TRPM8: variants seen among roughly 807,000 people sequenced by gnomAD.
TRPM8 encodes the protein transient receptor potential cation channel subfamily M member 8.
A neutral mutation model predicts 133.7 loss-of-function variants in TRPM8; 110 were observed. That is an observed-to-expected ratio of 0.82 (90% CI 0.70 to 0.96). The LOEUF is 0.96. TRPM8 is among the 40% of genes least tolerant of loss of function. The probability of loss-of-function intolerance (pLI) is 0.00; values close to 1 mark genes in which losing one functional copy is unlikely to be tolerated. For synonymous variants in TRPM8, 535 were observed against 532.3 expected (o/e 1.01, Z -0.07); for missense variants, 1,291 against 1,379.5 (o/e 0.94, Z 1.02).
chr2:233,998,783 G>A (rs1692474900), intron 22 of TRPM8, among the ~76,000 whole-genome samples: 1 of 152,100 alleles, frequency 6.6e-6, no homozygotes. Context: ...TCCTGTTAAG[G>A]TGAGCAGATT....
chr2:234,011,576 A>G (rs28901886), intron 24 of TRPM8, among the ~76,000 whole-genome samples: 1 of 152,024 alleles, frequency 6.6e-6, no homozygotes, highest in Admixed American at 6.5e-5. Context: ...GGCAATATTC[A>G]TTTTTTCAAT....
chr2:234,002,007 A>C (rs1338863779), intron 22 of TRPM8, among the ~76,000 whole-genome samples: 1 of 152,158 alleles, frequency 6.6e-6, no homozygotes, highest in Admixed American at 6.5e-5. Context: ...CAGAGAATGA[A>C]AATGGAAAAG....
In TRPM8 at chr2:233,966,680, T is replaced by A. The variant is rs995997989; in HGVS notation, c.1950T>A (p.Ala650=). Residue 650 remains alanine (A), a synonymous_variant, in exon 15 of 26, where the codon GCT becomes GCA. Coordinates refer to ENST00000324695, the MANE Select transcript of TRPM8 (RefSeq NM_024080.5). ...AEQLLVYSCE[A]WGGSNCLELA... ...AGCTGCTGGTCTATTCCTGTGAAGC[T>A]TGGGGTGGAAGCAACTGTCTGGAGC... 5.0e-6 allele frequency: 8 copies of A among 1,613,916 alleles called. No individual in the cohort carries two copies. Among genetic ancestry groups the A allele is most frequent in the Non-Finnish European group, 5.9e-6 (7 of 1,179,884 alleles).
intron 17 of TRPM8, among the ~76,000 whole-genome samples, chr2:233,975,918 C>T (rs968630966): frequency 6.6e-6 from 1 of 151,882 alleles, no homozygotes; most frequent in African/African-American, 2.4e-5. Flanking sequence ...AATGAACAAA[C>T]AAACAAAAAA....
At chr2:233,918,868 T>C (rs1401747435) in intron 1 of TRPM8, among the ~76,000 whole-genome samples, 2 of 152,168 alleles carry the variant, frequency 1.3e-5, no homozygotes, top group East Asian at 1.9e-4. Flanking sequence ...TCATTTATAT[T>C]TGAAGCTTCT....
rs200565353 is a variant in TRPM8, at chr2:233,966,603, G to A, written c.1880-7G>A. 53 of 1,613,832 alleles carry A rather than the reference G, an allele frequency of 3.3e-5. No homozygotes were observed. Among genetic ancestry groups the A allele is most frequent in the Middle Eastern group, 1.6e-4 (1 of 6,082 alleles). On this transcript the variant is annotated splice_polypyrimidine_tract_variant and splice_region_variant and intron_variant, in intron 14 of 25. Transcript: ENST00000324695. Reference sequence around the variant, plus strand: ...ACCAGCTTCTCTCTGTGCTGATGTCGCTGTAGAGCTGTTCACTGAGTGTTA... The same window carrying A: ...ACCAGCTTCTCTCTGTGCTGATGTCACTGTAGAGCTGTTCACTGAGTGTTA...
chr2:233,981,735 T>C (rs1374106313), intron 18 of TRPM8, 39 bp from the exon 19 acceptor site: 13 of 1,568,160 alleles, frequency 8.3e-6, no homozygotes, highest in Non-Finnish European at 1.1e-5. Flanking sequence ...GAATGTTTTG[T>C]CAATATCTCA....
chr2:233,940,682 C>T (rs1442589012), intron 5 of TRPM8, among the ~76,000 whole-genome samples: 1 of 151,824 alleles, frequency 6.6e-6, no homozygotes. Flanking sequence ...ACGTTAATGG[C>T]TGAAGTAGAT....
At position 233,960,863 on chromosome 2, in the gene TRPM8, C is replaced by A. The variant is rs1691416946; in HGVS notation, c.1450C>A (p.Leu484Ile). ...VRLFLENGLN[L>I]RKFLTHDVLT... ...CCTCTTTCTGGAGAATGGCTTGAAC[C>A]TACGGAAGTTTCTCACCCATGATGT... is the stretch of plus-strand genomic sequence containing the variant. The change falls in exon 12 of 26, where the codon CTA becomes ATA. Residue 484 changes from leucine to isoleucine, a missense_variant. Around this residue, in one of 2 missense-constraint regions of TRPM8, gnomAD observed 963 missense variants for 968.9 expected, o/e 0.99. Coordinates refer to ENST00000324695, the MANE Select transcript of TRPM8 (RefSeq NM_024080.5). 6.2e-7 allele frequency: 1 copy of A among 1,614,182 alleles called. No homozygotes were observed. Among genetic ancestry groups the A allele is most frequent in the Admixed American group, 1.7e-5 (1 of 60,026 alleles).
chr2:233,994,134 T>C (rs1692347118), intron 21 of TRPM8, among the ~76,000 whole-genome samples: 1 of 152,222 alleles, frequency 6.6e-6, no homozygotes, highest in Admixed American at 6.5e-5. Context: ...CTGGCCCAAG[T>C]AGTAAACTGA....
chr2:233,970,444 G>T lies in TRPM8; in HGVS notation c.2355+18G>T, dbSNP rs1691686067. 2 of 1,610,372 alleles carry T rather than the reference G, an allele frequency of 1.2e-6. No homozygotes were observed. The highest frequency in any genetic ancestry group is 1.1e-5 in the South Asian group (1 of 90,992). ...TGAGACAGGTAGGGCTGCCATGACA[G>T]CAGGAACCCCCTCGCTTCCTCGGTG... On this transcript the variant is annotated intron_variant, in intron 17 of 25. Coordinates refer to ENST00000324695, the MANE Select transcript of TRPM8 (RefSeq NM_024080.5).
chr2:233,989,893 AGCAT>A lies in TRPM8; in HGVS notation c.2939+4029_2939+4032del, dbSNP rs1218215946. On this transcript the variant is annotated intron_variant, in intron 21 of 25. Coordinates refer to ENST00000324695, the MANE Select transcript of TRPM8 (RefSeq NM_024080.5). This position sits in a 1 kb window ranked among gnomAD's most constrained non-coding sequence, Gnocchi z 4.2. ...CTTACCAGGAGCTAGGGCATTTATA[AGCAT>A]TGTGCCCTGAAGATAAGTTCACCCC... is the stretch of plus-strand genomic sequence containing the variant. 2.0e-5 allele frequency among the ~76,000 whole-genome samples: 3 copies of A among 152,242 alleles called. No individual in the cohort carries two copies. Among genetic ancestry groups the A allele is most frequent in the African/African-American group, 7.2e-5 (3 of 41,468 alleles).
At chr2:234,011,804 C>G (rs1325139319) in intron 24 of TRPM8, among the ~76,000 whole-genome samples, 1 of 149,824 alleles carries the variant, frequency 6.7e-6, no homozygotes, top group Non-Finnish European at 1.5e-5. Context: ...GTAGTCCCAG[C>G]TACTCTGGAG....
intron 20 of TRPM8, among the ~76,000 whole-genome samples, chr2:233,985,173 G>A (rs1442652095): frequency 3.9e-5 from 6 of 152,022 alleles, no homozygotes; most frequent in South Asian, 4.1e-4. Flanking sequence ...CCCCCACCAC[G>A]GGGCCTTTGC....
Position 233,955,198 on chromosome 2 carries a change from A to G in TRPM8, c.1310A>G (p.Asn437Ser), listed in dbSNP as rs376155890. ...NGQLKLLLEWNQLDLANDEIF... is the reference protein window; with the variant it reads ...NGQLKLLLEWSQLDLANDEIF... ...CAGCTGAAGCTTCTGCTGGAGTGGA[A>G]CCAGCTGGACTTAGCCAATGATGAG... The change falls in exon 11 of 26, where the codon AAC (asparagine) becomes AGC (serine). Residue 437 changes from asparagine to serine, a missense_variant. Asn to Ser is a conservative substitution (Grantham distance 46, BLOSUM62 1). Transcript: ENST00000324695. 50 of 1,613,952 alleles carry G rather than the reference A, an allele frequency of 3.1e-5. No homozygotes were observed. The highest frequency in any genetic ancestry group is 4.2e-5 in the Non-Finnish European group (49 of 1,179,960).
chr2:233,942,660 G>T lies in TRPM8; in HGVS notation c.611G>T (p.Ser204Ile), dbSNP rs748720321. The T allele has an allele frequency of 1.9e-6, 3 of 1,614,128 alleles. No homozygotes were observed. Among genetic ancestry groups the T allele is most frequent in the Non-Finnish European group, 2.5e-6 (3 of 1,180,054 alleles). The change falls in exon 6 of 26, where the codon AGT becomes ATT. Residue 204 changes from serine (S) to isoleucine (I), a missense_variant. Physicochemically the swap from Ser to Ile is moderately radical, Grantham distance 142. Around this residue, in one of 2 missense-constraint regions of TRPM8, gnomAD observed 963 missense variants for 968.9 expected, o/e 0.99. Coordinates refer to ENST00000324695, the MANE Select transcript of TRPM8 (RefSeq NM_024080.5). ...GTGAGAGATAACACCATCAGCAGGA[G>T]TTCAGAGGAGAATATTGTGGCCATT... ...EVVRDNTISR[S>I]SEENIVAIGI...
chr2:233,938,702 T>A (rs899546329), intron 4 of TRPM8, among the ~76,000 whole-genome samples: 1 of 152,104 alleles, frequency 6.6e-6, no homozygotes, highest in Non-Finnish European at 1.5e-5. Context: ...AGATGTGCAT[T>A]TATCTCGGTG....
Position 233,964,670 on chromosome 2 carries a change from C to T in TRPM8, c.1792C>T (p.Leu598=). 8 of 1,609,824 alleles carry T rather than the reference C, an allele frequency of 5.0e-6. No individual in the cohort carries two copies. Among genetic ancestry groups the T allele is most frequent in the African/African-American group, 1.3e-5 (1 of 74,840 alleles). The change falls in exon 14 of 26, where the codon CTG becomes TTG. Residue 598 remains leucine (L), a synonymous_variant. Coordinates refer to ENST00000324695, the MANE Select transcript of TRPM8 (RefSeq NM_024080.5). ...TLAALGASKL[L]KTLAKVKNDI... ...GGCAGCCCTGGGAGCCAGCAAGCTT[C>T]TGAAGACTCTGGCCAAAGTGAAGAA...
At chr2:233,963,826 A>C (rs1466100534) in intron 13 of TRPM8, among the ~76,000 whole-genome samples, 9 of 152,188 alleles carry the variant, frequency 5.9e-5, no homozygotes, top group Admixed American at 5.9e-4. Flanking sequence ...AGATAAGCTT[A>C]GATATTGAAT....
Sources: gnomAD v4.1 joint callset for allele counts (sites outside exome capture counted in the v4.1 genomes callset) on GRCh38, gnomAD v4.1.1 for gene constraint, gnomAD v4.1.1 regional missense constraint, Gnocchi (gnomAD v3.1) non-coding constraint, MANE v1.5 for transcripts, NCBI Gene and HGNC (gene_info 2026-07-23, HGNC 2026-07-21) for gene names.